PCDHA13: variants seen among roughly 807,000 people sequenced by gnomAD.
PCDHA13 encodes the protein protocadherin alpha-13.
PCDHA13 carries 54 observed loss-of-function variants against 64.8 expected under a neutral mutation model. The observed-to-expected ratio is 0.83, with a 90% CI of 0.67 to 1.04. PCDHA13 has a LOEUF of 1.04. Among genes scored for constraint, PCDHA13 ranks in the 50% least tolerant of loss-of-function variants. The probability of loss-of-function intolerance (pLI) is 0.00; values close to 1 mark genes in which losing one functional copy is unlikely to be tolerated. For synonymous variants in PCDHA13, 587 were observed against 564.4 expected, an observed-to-expected ratio of 1.04 and a Z score of -0.57; for missense variants, 1,248 against 1,254.3, an observed-to-expected ratio of 0.99 and a Z score of 0.08.
intron 3 of PCDHA13, among the ~76,000 whole-genome samples, chr5:141,008,894 A>G (rs782674482): frequency 9.9e-5 from 15 of 152,254 alleles, no homozygotes; most frequent in Non-Finnish European, 1.8e-4. Context: ...TGTTATTACA[A>G]TAAAATTAAG....
chr5:140,986,467 T>G (rs190246289), intron 3 of PCDHA13, among the ~76,000 whole-genome samples: 4 of 152,196 alleles, frequency 2.6e-5, no homozygotes, highest in Non-Finnish European at 5.9e-5. Context: ...AATGCCCTCT[T>G]GTGATCAGTT....
At chr5:140,914,228 C>T (rs2076644066) in intron 1 of PCDHA13, among the ~76,000 whole-genome samples, 1 of 152,084 alleles carries the variant, frequency 6.6e-6, no homozygotes, top group Admixed American at 6.6e-5. Flanking sequence ...AGCTCTAATA[C>T]TATTTGCTTT....
chr5:140,927,948 C>G, intron 1 of PCDHA13: 4 of 1,614,190 alleles, frequency 2.5e-6, no homozygotes, highest in Non-Finnish European at 3.4e-6. Flanking sequence ...TACCTGAGGA[C>G]GCTGCCCCTG....
intron 1 of PCDHA13, chr5:140,967,204 G>T: frequency 3.7e-6 from 6 of 1,613,634 alleles, no homozygotes; most frequent in Non-Finnish European, 5.1e-6. Context: ...ACAACTCACC[G>T]CGTTTCCCGC....
chr5:140,958,900 C>T (rs246008), intron 1 of PCDHA13, among the ~76,000 whole-genome samples: 85,461 of 151,702 alleles, frequency 0.56, 24,676 homozygotes, highest in African/African-American at 0.69. Flanking sequence ...ATAATAGATA[C>T]AGAAAAGTCT....
At chr5:140,966,703 G>T in intron 1 of PCDHA13, 1 of 1,376,398 alleles carries the variant, frequency 7.3e-7, no homozygotes, top group South Asian at 1.7e-5. Flanking sequence ...CCCGGGCGTG[G>T]GGCACGGCTG....
At chr5:140,893,219 G>C (rs1273209081) in intron 1 of PCDHA13, among the ~76,000 whole-genome samples, 1 of 152,194 alleles carries the variant, frequency 6.6e-6, no homozygotes, top group Non-Finnish European at 1.5e-5. Flanking sequence ...GGAGGTGCAG[G>C]TATCACTTTG....
intron 1 of PCDHA13, among the ~76,000 whole-genome samples, chr5:140,945,201 T>C (rs1168662297): frequency 2.6e-5 from 4 of 152,054 alleles, no homozygotes; most frequent in Non-Finnish European, 5.9e-5. Flanking sequence ...CTATTTACAA[T>C]AGCTATGAGA....
intron 3 of PCDHA13, among the ~76,000 whole-genome samples, chr5:140,991,033 T>C (rs2097428117): frequency 6.6e-6 from 1 of 152,212 alleles, no homozygotes; most frequent in African/African-American, 2.4e-5. Context: ...ATATGTTGCA[T>C]ACTTAACTTT....
At chr5:140,944,907 T>A (rs246063) in intron 1 of PCDHA13, among the ~76,000 whole-genome samples, 85,748 of 151,952 alleles carry the variant, frequency 0.56, 24,800 homozygotes, top group African/African-American at 0.69. Flanking sequence ...TTCCACAAAC[T>A]TCTCTTTATA....
Position 140,895,882 on chromosome 5 carries a change from G to C in PCDHA13, c.2394+11220G>C, listed in dbSNP as rs1014874596. Among the ~76,000 whole-genome samples the C allele has an allele frequency of 5.3e-5, 8 of 152,250 alleles. No individual in the cohort carries two copies. The East Asian group carries it at 9.6e-4, about 18-fold the overall frequency. On this transcript the variant is annotated intron_variant, in intron 1 of 3. Coordinates refer to ENST00000289272, the MANE Select transcript of PCDHA13 (RefSeq NM_018904.3). ...GCTGGAGTGCAATGGCGCGATCTCGGCTCACTGCAACCTCCGCGTCCCGGG... is the reference window on the plus strand; with the variant it reads ...GCTGGAGTGCAATGGCGCGATCTCGCCTCACTGCAACCTCCGCGTCCCGGG...
chr5:140,927,601 G>C lies in PCDHA13; in HGVS notation c.2394+42939G>C, dbSNP rs1490799029. 27 of 1,614,082 alleles carry C rather than the reference G, an allele frequency of 1.7e-5. No individual in the cohort carries two copies. Among genetic ancestry groups the C allele is most frequent in the Non-Finnish European group, 2.3e-5 (27 of 1,180,040 alleles). Reference sequence around the variant, plus strand: ...CAACGCGCCTGTATTTGAGCGCTCCGTATACCGCACCAAGGTTCCAGAGAC... The same window carrying C: ...CAACGCGCCTGTATTTGAGCGCTCCCTATACCGCACCAAGGTTCCAGAGAC... On this transcript the variant is annotated intron_variant, in intron 1 of 3. Transcript: ENST00000289272.
At chr5:140,918,515 T>C (rs1000500676) in intron 1 of PCDHA13, among the ~76,000 whole-genome samples, 1 of 152,224 alleles carries the variant, frequency 6.6e-6, no homozygotes, top group African/African-American at 2.4e-5. Flanking sequence ...TTTAAACTTA[T>C]TGAGGATTGT....
chr5:140,952,571 C>G (rs571628495), intron 1 of PCDHA13, among the ~76,000 whole-genome samples: 2 of 152,252 alleles, frequency 1.3e-5, no homozygotes, highest in East Asian at 3.9e-4. Flanking sequence ...ACTTCGGTCC[C>G]AATCATTCAA....
chr5:140,887,537 C>A (rs530539711), intron 1 of PCDHA13, among the ~76,000 whole-genome samples: 7 of 152,132 alleles, frequency 4.6e-5, no homozygotes, highest in African/African-American at 7.2e-5. Flanking sequence ...TTCCTCTCCC[C>A]ACCCCTCATG....
rs1554180956 is a variant in PCDHA13, at chr5:140,883,989, G to A, written c.1721G>A (p.Gly574Glu). The change falls in exon 1 of 4, where the codon GGA becomes GAA. Residue 574 changes from glycine (G) to glutamate (E), a missense_variant. Transcript: ENST00000289272. ...CTGACGCCCGGGGCTGGCAGCGCGG[G>A]AGGCACAGTGAGCGAGCTGATGCCG... ...ALLTPGAGSA[G>E]GTVSELMPRS... The A allele has an allele frequency of 6.2e-7, 1 of 1,612,952 alleles. No individual in the cohort carries two copies. Among genetic ancestry groups the A allele is most frequent in the Non-Finnish European group, 8.5e-7 (1 of 1,179,588 alleles).
intron 1 of PCDHA13, among the ~76,000 whole-genome samples, chr5:140,954,127 T>A (rs530320994): frequency 2.6e-5 from 4 of 152,372 alleles, no homozygotes; most frequent in Non-Finnish European, 5.9e-5. Context: ...TTCCTTTTTA[T>A]GGATGCATAG....
intron 1 of PCDHA13, among the ~76,000 whole-genome samples, chr5:140,904,934 G>A (rs1181903303): frequency 6.6e-6 from 1 of 152,110 alleles, no homozygotes; most frequent in Non-Finnish European, 1.5e-5. Context: ...GTAGGTTCTG[G>A]ATATTAGTCC....
At chr5:140,996,190 C>T (rs2097716017) in intron 3 of PCDHA13, among the ~76,000 whole-genome samples, 1 of 152,200 alleles carries the variant, frequency 6.6e-6, no homozygotes, top group African/African-American at 2.4e-5. Flanking sequence ...CCATTTTATA[C>T]CCTCAATGCA....
Sources: gnomAD v4.1 joint callset for allele counts (sites outside exome capture counted in the v4.1 genomes callset) on GRCh38, gnomAD v4.1.1 for gene constraint, MANE v1.5 for transcripts, NCBI Gene and HGNC (gene_info 2026-07-23, HGNC 2026-07-21) for gene names.